The following SORCS2 variants were observed in gnomAD, a reference collection of about 807,000 sequenced individuals.
SORCS2 encodes the protein VPS10 domain-containing receptor SorCS2.
In SORCS2, 100 loss-of-function variants were observed where a neutral mutation model predicts 141.6. The ratio of observed to expected loss-of-function variants is 0.71; its 90% CI spans 0.60 to 0.83. SORCS2 has a LOEUF of 0.83. Among genes scored for constraint, SORCS2 ranks in the 40% least tolerant of loss-of-function variants. The pLI, the probability that SORCS2 is intolerant of heterozygous loss-of-function variation, is 0.00. For synonymous variants in SORCS2, 789 were observed against 676.9 expected (o/e 1.17, Z -2.57); for missense variants, 1,646 against 1,560.2 (o/e 1.05, Z -0.93).
chr4:7,661,672 C>G, intron 6 of SORCS2, 108 bp downstream of exon 6: 1 of 998,766 alleles, frequency 1.0e-6, no homozygotes, highest in Non-Finnish European at 1.5e-6. Flanking sequence ...TGGCCCTACA[C>G]AGCCGGCCTC....
rs371717587 is a variant in SORCS2, at chr4:7,703,243, C to T, written c.1669-37C>T. 1.9e-6 allele frequency: 3 copies of T among 1,557,426 alleles called. No homozygotes were observed. In the Admixed American group the frequency reaches 5.5e-5, roughly 29 times the overall value. ...AGCCTGGAACAACCTCCGACCTTCT[C>T]AGGCCCTGCCCTCAGCCACACCACT... On this transcript the variant is annotated intron_variant, in intron 12 of 26. Coordinates refer to ENST00000507866, the MANE Select transcript of SORCS2 (RefSeq NM_020777.3).
chr4:7,624,165 T>G (rs1183359343), intron 3 of SORCS2, among the ~76,000 whole-genome samples: 1 of 151,530 alleles, frequency 6.6e-6, no homozygotes, highest in East Asian at 2.0e-4. Context: ...TAGAAGTTCT[T>G]CATTCATGCC....
chr4:7,355,868 A>AT lies in SORCS2; in HGVS notation c.481-40419dup, dbSNP rs1721220301. Among the ~76,000 whole-genome samples, 4 of 152,366 alleles carry AT rather than the reference A, an allele frequency of 2.6e-5. 1 individual carries two copies. The South Asian group carries it at 8.3e-4, about 32-fold the overall frequency. On this transcript the variant is annotated intron_variant, in intron 1 of 26. Coordinates refer to ENST00000507866, the MANE Select transcript of SORCS2 (RefSeq NM_020777.3). Reference sequence around the variant, plus strand: ...GAGTGAGATCCAGGAATCAAGGGCCATGGGGCTTCCTGGGTGATGGCAGGC... The same window carrying AT: ...GAGTGAGATCCAGGAATCAAGGGCCATTGGGGCTTCCTGGGTGATGGCAGGC...
chr4:7,340,250 G>A (rs539914153), intron 1 of SORCS2, among the ~76,000 whole-genome samples: 87 of 152,376 alleles, frequency 5.7e-4, no homozygotes, highest in African/African-American at 1.8e-3. Flanking sequence ...CTCACACTCC[G>A]CTGACCATGG....
At chr4:7,211,450 C>T (rs979464196) in intron 1 of SORCS2, among the ~76,000 whole-genome samples, 2 of 152,106 alleles carry the variant, frequency 1.3e-5, no homozygotes, top group Non-Finnish European at 1.5e-5. Context: ...AGTGCAGTGG[C>T]GCGATCTCCG....
At chr4:7,533,797 C>G (rs1307978056) in intron 3 of SORCS2, among the ~76,000 whole-genome samples, 1 of 146,858 alleles carries the variant, frequency 6.8e-6, no homozygotes, top group Non-Finnish European at 1.5e-5. Flanking sequence ...GCCGTGACCT[C>G]CGCTGAGCCT....
At chr4:7,380,728 T>C (rs1334376656) in intron 1 of SORCS2, among the ~76,000 whole-genome samples, 2 of 152,262 alleles carry the variant, frequency 1.3e-5, no homozygotes, top group East Asian at 1.9e-4. Context: ...TTACCTTCTA[T>C]GGATGACAAG....
chr4:7,559,650 C>T (rs1286640338), intron 3 of SORCS2, among the ~76,000 whole-genome samples: 1 of 152,192 alleles, frequency 6.6e-6, no homozygotes, highest in Non-Finnish European at 1.5e-5. Context: ...CCAAGGGGGC[C>T]TGGGTCTGAG....
chr4:7,297,355 G>A (rs1383351503), intron 1 of SORCS2, among the ~76,000 whole-genome samples: 1 of 152,186 alleles, frequency 6.6e-6, no homozygotes, highest in African/African-American at 2.4e-5. Context: ...TCCTCAGTCT[G>A]CAGCCCTGTC....
chr4:7,372,368 G>A (rs560089005), intron 1 of SORCS2, among the ~76,000 whole-genome samples: 30 of 152,226 alleles, frequency 2.0e-4, no homozygotes, highest in Admixed American at 8.5e-4. Context: ...GGGCAGTGGC[G>A]GGATCTCAGC....
intron 2 of SORCS2, among the ~76,000 whole-genome samples, chr4:7,466,659 A>G (rs1195630876): frequency 6.6e-6 from 1 of 152,114 alleles, no homozygotes; most frequent in Non-Finnish European, 1.5e-5. Context: ...GCTGGTGAGG[A>G]CTGAGCCCGG....
chr4:7,356,962 TC>T (rs1399781562), intron 1 of SORCS2, among the ~76,000 whole-genome samples: 1 of 152,188 alleles, frequency 6.6e-6, no homozygotes, highest in Non-Finnish European at 1.5e-5. Context: ...ACCTTTTATC[TC>T]CCCTTTTCTC....
At chr4:7,452,374 T>C (rs1190116862) in intron 2 of SORCS2, among the ~76,000 whole-genome samples, 3 of 152,182 alleles carry the variant, frequency 2.0e-5, no homozygotes, top group Non-Finnish European at 2.9e-5. Flanking sequence ...ACTCCTGACC[T>C]CAGGTGATCC....
intron 2 of SORCS2, among the ~76,000 whole-genome samples, chr4:7,446,902 C>G (rs897438794): frequency 1.2e-4 from 18 of 152,230 alleles, no homozygotes. Flanking sequence ...ATTGCAGAAA[C>G]TGAGGCTCAC....
Position 7,742,628 on chromosome 4 carries a change from C to G in SORCS2, c.*2364C>G, listed in dbSNP as rs899366761. The G allele has an allele frequency of 6.6e-6, 1 of 152,188 alleles. No homozygotes were observed. 9.4% of individuals were successfully genotyped at this position (152,188 alleles called of 1,614,324 possible). On this transcript the variant is annotated 3_prime_UTR_variant, in exon 27 of 27. Transcript: ENST00000507866. ...GTCTGTGCACCCATGGAGATCCAGGCGTGGGCCCGTGTCTGTCCCTGGTTG... is the reference window on the plus strand; with the variant it reads ...GTCTGTGCACCCATGGAGATCCAGGGGTGGGCCCGTGTCTGTCCCTGGTTG...
chr4:7,215,719 T>G (rs1044098484), intron 1 of SORCS2, among the ~76,000 whole-genome samples: 3 of 152,108 alleles, frequency 2.0e-5, no homozygotes, highest in African/African-American at 7.2e-5. Context: ...TAGCTCAGGG[T>G]TTGTGAGTGC....
chr4:7,462,749 T>G (rs897548551), intron 2 of SORCS2, among the ~76,000 whole-genome samples: 1 of 151,528 alleles, frequency 6.6e-6, no homozygotes, highest in East Asian at 1.9e-4. Context: ...CCAGCCCCTG[T>G]GCACGGAAGA....
At chr4:7,519,095 G>A (rs993410544) in intron 2 of SORCS2, among the ~76,000 whole-genome samples, 36 of 152,306 alleles carry the variant, frequency 2.4e-4, no homozygotes, top group Non-Finnish European at 4.7e-4. Context: ...TGTGCCCGGC[G>A]GAGGGCTCGC....
intron 2 of SORCS2, among the ~76,000 whole-genome samples, chr4:7,477,922 C>T (rs1472142913): frequency 6.6e-6 from 1 of 152,186 alleles, no homozygotes; most frequent in African/African-American, 2.4e-5. Context: ...AACTGATGCA[C>T]AAAGTCATCG....
Sources: gnomAD v4.1 joint callset for allele counts (sites outside exome capture counted in the v4.1 genomes callset) on GRCh38, gnomAD v4.1.1 for gene constraint, MANE v1.5 for transcripts, NCBI Gene and HGNC (gene_info 2026-07-23, HGNC 2026-07-21) for gene names.